Variants in MRRF observed in about 807,000 individuals in gnomAD.
MRRF encodes mitochondrial ribosome recycling factor, also known as ribosome-recycling factor, mitochondrial.
MRRF carries 18 observed loss-of-function variants against 25.1 expected under a neutral mutation model. That is an observed-to-expected ratio of 0.72 (90% CI 0.50 to 1.06). The LOEUF is 1.06. Among genes scored for constraint, MRRF ranks in the 50% least tolerant of loss-of-function variants. The probability of loss-of-function intolerance (pLI) is 0.00; values close to 1 mark genes in which losing one functional copy is unlikely to be tolerated. For synonymous variants in MRRF, 113 were observed against 112.1 expected (o/e 1.01, Z -0.05); for missense variants, 323 against 319.3 (o/e 1.01, Z -0.09).
intron 4 of MRRF, among the ~76,000 whole-genome samples, chr9:122,287,083 C>T (rs1021721414): frequency 1.3e-5 from 2 of 152,228 alleles, no homozygotes; most frequent in Non-Finnish European, 2.9e-5. Flanking sequence ...GCTTAAACGT[C>T]ACTTTCTTAA....
intron 5 of MRRF, among the ~76,000 whole-genome samples, chr9:122,292,146 G>C (rs1375919824): frequency 2.0e-5 from 3 of 152,212 alleles, no homozygotes; most frequent in African/African-American, 4.8e-5. Context: ...TATGAGGAAA[G>C]AAAAGACAGT....
At position 122,271,023 on chromosome 9, in the gene MRRF, C is replaced by G. The variant is rs776494424; in HGVS notation, c.132C>G (p.Tyr44Ter). 20 of 1,614,064 alleles carry G rather than the reference C, an allele frequency of 1.2e-5. No individual in the cohort carries two copies. The South Asian group carries it at 2.2e-4, about 18-fold the overall frequency. Reference protein sequence around the residue: ...VHERQHGHRQYMAYSAVPVRH... With the variant: ...VHERQHGHRQ ...AAAGACAACATGGCCATAGGCAATA[C>G]ATGGCCTATTCAGCTGTACCAGTCC... Residue 44 changes from tyrosine (Y) to a stop codon, truncating the protein, a stop_gained, in exon 2 of 7, where the codon TAC becomes TAG. Coordinates refer to ENST00000344641, the MANE Select transcript of MRRF (RefSeq NM_138777.5). LOFTEE classifies it high-confidence loss of function.
intron 5 of MRRF, among the ~76,000 whole-genome samples, chr9:122,292,900 A>T (rs1210515840): frequency 6.6e-6 from 1 of 152,228 alleles, no homozygotes; most frequent in Non-Finnish European, 1.5e-5. Flanking sequence ...AGGCCCAAAT[A>T]AGTGTTGAAT....
chr9:122,312,434 C>T (rs1731257027), intron 5 of MRRF, among the ~76,000 whole-genome samples: 1 of 152,124 alleles, frequency 6.6e-6, no homozygotes, highest in African/African-American at 2.4e-5. Context: ...TTTTTTTTCT[C>T]AGCAGAGAAA....
At position 122,285,264 on chromosome 9, in the gene MRRF, G is replaced by A. The variant is rs756678387; in HGVS notation, c.436G>A (p.Val146Met). The change falls in exon 4 of 7, where the codon GTG (valine) becomes ATG (methionine). Residue 146 changes from valine (V) to methionine (M), a missense_variant. Transcript: ENST00000344641. ...CATGAAGTCGCCACAGCTGATTTTG[G>A]TGAATATGGCCAGCTTCCCAGAGGT... ...ISMKSPQLIL[V>M]NMASFPECTA... 5 of 1,612,576 alleles carry A rather than the reference G, an allele frequency of 3.1e-6. No homozygotes were observed. Among genetic ancestry groups the A allele is most frequent in the East Asian group, 2.2e-5 (1 of 44,884 alleles).
chr9:122,279,215 T>C (rs914988092), intron 2 of MRRF, among the ~76,000 whole-genome samples: 1 of 152,224 alleles, frequency 6.6e-6, no homozygotes, highest in Non-Finnish European at 1.5e-5. Flanking sequence ...GCCATTGGTT[T>C]CAAAGCATAA....
rs150211600 is a variant in MRRF at position 122,278,617 on chromosome 9, T to C, written c.185-1826T>C. ...TCATAAATATTACTATTCATTCCAATATTGACAGGCATATCTTTAAATTAT... is the reference window on the plus strand; with the variant it reads ...TCATAAATATTACTATTCATTCCAACATTGACAGGCATATCTTTAAATTAT... On this transcript the variant is annotated intron_variant, in intron 2 of 6. Transcript: ENST00000344641. Among the ~76,000 whole-genome samples, 3 of 152,344 alleles carry C rather than the reference T, an allele frequency of 2.0e-5. No homozygotes were observed. The East Asian group carries it at 5.8e-4, about 29-fold the overall frequency.
chr9:122,276,336 G>C (rs1297692979), intron 2 of MRRF, among the ~76,000 whole-genome samples: 1 of 151,668 alleles, frequency 6.6e-6, no homozygotes, highest in African/African-American at 2.4e-5. Flanking sequence ...TGTTGCCTAG[G>C]CTGGAGTGCA....
intron 1 of MRRF, among the ~76,000 whole-genome samples, chr9:122,270,113 T>C (rs1269762079): frequency 6.6e-6 from 1 of 152,244 alleles, no homozygotes; most frequent in Non-Finnish European, 1.5e-5. Flanking sequence ...TAATTGTTCT[T>C]AATTTTTACC....
intron 4 of MRRF, among the ~76,000 whole-genome samples, chr9:122,286,434 G>C (rs1382295695): frequency 6.6e-6 from 1 of 152,172 alleles, no homozygotes; most frequent in Non-Finnish European, 1.5e-5. Flanking sequence ...GCCAGGCGTG[G>C]TGGCTCATGC....
Position 122,313,378 on chromosome 9 carries a change from G to C in MRRF, c.703G>C (p.Glu235Gln). 2 of 1,614,022 alleles carry C rather than the reference G, an allele frequency of 1.2e-6. No individual in the cohort carries two copies. The highest frequency in any genetic ancestry group is 1.7e-6 in the Non-Finnish European group (2 of 1,179,888). The part of the protein sequence containing the change: ...TVSEDTIRLI[E>Q]KQISQMADDT... ...CTCAGAGGACACCATTAGGCTAATAGAGAAACAGGTACTATTGCCAGCAAT... is the reference window on the plus strand; with the variant it reads ...CTCAGAGGACACCATTAGGCTAATACAGAAACAGGTACTATTGCCAGCAAT... The change falls in exon 6 of 7, where the codon GAG (glutamate) becomes CAG (glutamine). Residue 235 changes from glutamate to glutamine, a missense_variant. Physicochemically the swap from Glu to Gln is conservative, Grantham distance 29. Coordinates refer to ENST00000344641, the MANE Select transcript of MRRF (RefSeq NM_138777.5).
At position 122,322,362 on chromosome 9, in the gene MRRF, C is replaced by CA. The variant is rs953786106; in HGVS notation, c.712-165dup. On this transcript the variant is annotated intron_variant, in intron 6 of 6. Coordinates refer to ENST00000344641, the MANE Select transcript of MRRF (RefSeq NM_138777.5). ...TGGGCGACAGAGCGAGACTTTGTCTCAAAAAAAAAAAAAGAATGTATATAT... is the reference window on the plus strand; with the variant it reads ...TGGGCGACAGAGCGAGACTTTGTCTCAAAAAAAAAAAAAAGAATGTATATAT... Among the ~76,000 whole-genome samples the CA allele has an allele frequency of 2.4e-3, 311 of 129,952 alleles. 2 individuals carry two copies. The highest frequency in any genetic ancestry group is 6.8e-3 in the Admixed American group (87 of 12,820). 85.3% of individuals were successfully genotyped at this position (129,952 alleles called of 152,430 possible). A position where few individuals can be genotyped will look rare whatever the true frequency, so the allele number is the denominator to read the frequency against.
intron 6 of MRRF, among the ~76,000 whole-genome samples, chr9:122,318,270 G>A (rs1326575199): frequency 1.3e-5 from 2 of 151,520 alleles, no homozygotes; most frequent in Non-Finnish European, 2.9e-5. Flanking sequence ...CTCTGCTGAA[G>A]AAGGACCGAG....
At chr9:122,313,078 G>A in intron 5 of MRRF, 149 bp from the exon 6 acceptor site, 1 of 826,710 alleles carries the variant, frequency 1.2e-6, no homozygotes, top group Non-Finnish European at 2.0e-6. Flanking sequence ...CTTTATACAT[G>A]CGTTTTCCTC....
At position 122,311,172 on chromosome 9, in the gene MRRF, T is replaced by C. The variant is rs565228949; in HGVS notation, c.552-2055T>C. Among the ~76,000 whole-genome samples, 235 of 152,328 alleles carry C rather than the reference T, an allele frequency of 1.5e-3. 1 individual carries two copies. Among genetic ancestry groups the C allele is most frequent in the Non-Finnish European group, 2.1e-3 (146 of 68,034 alleles). On this transcript the variant is annotated intron_variant, in intron 5 of 6. Coordinates refer to ENST00000344641, the MANE Select transcript of MRRF (RefSeq NM_138777.5). ...GGATAGTCAGCTTCTGAGCAATAGA[T>C]ACAGGTATGAACCTAGTCTGTCTGA... is the stretch of plus-strand genomic sequence containing the variant.
Position 122,328,382 on chromosome 9 carries a change from A to G in MRRF, c.*5765A>G, listed in dbSNP as rs1836195948. On this transcript the variant is annotated 3_prime_UTR_variant, in exon 7 of 7. Transcript: ENST00000344641. ...AGAACTGACGCTCTATACCCATTAC[A>G]CAACCCCAGTTCCCCCTTCTCAGCC... 1 of 152,140 alleles carries G rather than the reference A, an allele frequency of 6.6e-6. No individual in the cohort carries two copies. Among genetic ancestry groups the G allele is most frequent in the African/African-American group, 2.4e-5 (1 of 41,430 alleles). The allele number at this position is 152,140 out of a possible 1,614,324, so 9.4% of individuals were successfully genotyped here. A position where few individuals can be genotyped will look rare whatever the true frequency, so the allele number is the denominator to read the frequency against.
intron 6 of MRRF, among the ~76,000 whole-genome samples, chr9:122,320,730 A>C (rs1382163346): frequency 1.3e-5 from 2 of 152,188 alleles, no homozygotes; most frequent in African/African-American, 4.8e-5. Flanking sequence ...CCTGGGACCA[A>C]TTGCACTAAA....
chr9:122,291,134 T>C (rs1406371511), intron 4 of MRRF, among the ~76,000 whole-genome samples: 1 of 152,142 alleles, frequency 6.6e-6, no homozygotes, highest in African/African-American at 2.4e-5. Context: ...GTCAAGCATA[T>C]GCCCAGGGTC....
chr9:122,286,196 A>G (rs1055938134), intron 4 of MRRF: 57 of 1,288,078 alleles, frequency 4.4e-5, no homozygotes, highest in African/African-American at 1.5e-4. Flanking sequence ...CTTATTGTCT[A>G]TTTCAGTAGT....
Sources: gnomAD v4.1 joint callset for allele counts (sites outside exome capture counted in the v4.1 genomes callset) on GRCh38, gnomAD v4.1.1 for gene constraint, MANE v1.5 for transcripts, NCBI Gene and HGNC (gene_info 2026-07-23, HGNC 2026-07-21) for gene names.